Variants in CATSPERE observed in about 807,000 individuals in gnomAD.
CATSPERE encodes the protein cation channel sperm-associated auxiliary subunit epsilon.
Under a neutral mutation model 114.1 loss-of-function variants are expected in CATSPERE, and 93 were observed. The observed-to-expected ratio is 0.81, with a 90% CI of 0.69 to 0.97. CATSPERE has a LOEUF of 0.97. CATSPERE is among the 50% of genes least tolerant of loss of function. CATSPERE has a pLI of 0.00. For missense variants in CATSPERE, 1,058 were observed against 1,131.6 expected (o/e 0.93, Z 0.93); for synonymous variants, 341 against 384.1 (o/e 0.89, Z 1.31).
At chr1:244,565,671 T>C (rs992958949) in intron 10 of CATSPERE, among the ~76,000 whole-genome samples, 9 of 152,178 alleles carry the variant, frequency 5.9e-5, no homozygotes, top group Non-Finnish European at 1.2e-4. Context: ...TCTATTTTGT[T>C]GATCTTTTCA....
At chr1:244,496,346 GA>G (rs1673079561) in intron 6 of CATSPERE, among the ~76,000 whole-genome samples, 1 of 152,222 alleles carries the variant, frequency 6.6e-6, no homozygotes, top group East Asian at 1.9e-4. Context: ...AAAAGCCTGA[GA>G]GTGTTTTCAC....
chr1:244,562,812 G>A (rs1457374524), intron 10 of CATSPERE, among the ~76,000 whole-genome samples: 2 of 152,024 alleles, frequency 1.3e-5, no homozygotes, highest in African/African-American at 4.8e-5. Context: ...GTATACACGT[G>A]CCATGGTGGT....
chr1:244,552,148 TG>T (rs1235817532), intron 8 of CATSPERE, among the ~76,000 whole-genome samples, 173 bp from the exon 9 acceptor site: 3 of 151,970 alleles, frequency 2.0e-5, no homozygotes, highest in African/African-American at 7.3e-5. Context: ...TGTGTTCCTT[TG>T]GGACCAGAGT....
intron 2 of CATSPERE, among the ~76,000 whole-genome samples, chr1:244,469,861 T>C (rs1164654220): frequency 6.6e-6 from 1 of 152,066 alleles, no homozygotes; most frequent in African/African-American, 2.4e-5. Context: ...TGACATAGGA[T>C]AGGAATATAC....
intron 20 of CATSPERE, among the ~76,000 whole-genome samples, chr1:244,634,708 T>TGA (rs1365781633): frequency 1.4e-4 from 22 of 152,354 alleles, no homozygotes; most frequent in African/African-American, 5.3e-4. Flanking sequence ...TGTGTAAACT[T>TGA]TCTCAAGTTG....
chr1:244,466,054 A>C (rs1667555868), intron 2 of CATSPERE, among the ~76,000 whole-genome samples: 1 of 152,224 alleles, frequency 6.6e-6, no homozygotes, highest in Non-Finnish European at 1.5e-5. Flanking sequence ...CTTATAGTGA[A>C]TTGTGAAATG....
At chr1:244,487,775 G>A (rs911605490) in intron 5 of CATSPERE, among the ~76,000 whole-genome samples, 1 of 152,116 alleles carries the variant, frequency 6.6e-6, no homozygotes, top group Admixed American at 6.5e-5. Flanking sequence ...TCCATCCCAG[G>A]GAGGCAGAGA....
chr1:244,469,061 A>C (rs1039073060), intron 2 of CATSPERE, among the ~76,000 whole-genome samples: 4 of 152,190 alleles, frequency 2.6e-5, no homozygotes, highest in South Asian at 2.1e-4. Flanking sequence ...AGATAATACC[A>C]AGTCACTTAA....
intron 20 of CATSPERE, among the ~76,000 whole-genome samples, chr1:244,630,771 G>A (rs756065808): frequency 3.9e-5 from 6 of 152,096 alleles, no homozygotes; most frequent in Non-Finnish European, 5.9e-5. Flanking sequence ...CTATCTCAGG[G>A]AGAATGAGTG....
At chr1:244,537,655 T>C (rs927241722) in intron 8 of CATSPERE, among the ~76,000 whole-genome samples, 4 of 152,254 alleles carry the variant, frequency 2.6e-5, no homozygotes, top group African/African-American at 4.8e-5. Context: ...GTTTATTTAA[T>C]AGATACAGCT....
intron 5 of CATSPERE, among the ~76,000 whole-genome samples, chr1:244,480,114 C>A (rs1316229291): frequency 6.6e-6 from 1 of 152,110 alleles, no homozygotes; most frequent in East Asian, 1.9e-4. Flanking sequence ...AAGTACAAAG[C>A]TACTAAAAGA....
chr1:244,612,959 T>G (rs193107711), intron 19 of CATSPERE, among the ~76,000 whole-genome samples: 2 of 152,324 alleles, frequency 1.3e-5, no homozygotes, highest in East Asian at 3.9e-4. Context: ...GGCAGTGATA[T>G]CTTTCTGGCA....
chr1:244,602,826 A>G (rs1007943302), intron 17 of CATSPERE, among the ~76,000 whole-genome samples: 2 of 152,118 alleles, frequency 1.3e-5, no homozygotes, highest in Admixed American at 6.5e-5. Context: ...GGTAAGATAT[A>G]CAGACGCGGA....
chr1:244,556,366 T>G (rs1475325959), intron 9 of CATSPERE, among the ~76,000 whole-genome samples: 1 of 152,030 alleles, frequency 6.6e-6, no homozygotes. Context: ...AACAAAACCC[T>G]GAGGATACAA....
At position 244,625,929 on chromosome 1, in the gene CATSPERE, G is replaced by T. The variant is rs537687478; in HGVS notation, c.2648+8243G>T. On this transcript the variant is annotated intron_variant, in intron 20 of 21. Coordinates refer to ENST00000366534, the MANE Select transcript of CATSPERE (RefSeq NM_001130957.2). ...GAAAGGAATCTTTTTTTTTTTCTGA[G>T]AAGTAGGTCTCAACAGTGGGCTTAA... is the stretch of plus-strand genomic sequence containing the variant. Among the ~76,000 whole-genome samples, 17 of 151,064 alleles carry T rather than the reference G, an allele frequency of 1.1e-4. No homozygotes were observed. In the East Asian group the frequency reaches 3.3e-3, roughly 30 times the overall value.
chr1:244,635,219 C>G (rs1450796713), intron 20 of CATSPERE, among the ~76,000 whole-genome samples: 7 of 152,130 alleles, frequency 4.6e-5, no homozygotes, highest in African/African-American at 1.7e-4. Flanking sequence ...ATTATTAATA[C>G]CATTATTCCT....
chr1:244,625,426 A>ATTTTTTTTTTTTTTTTTT (rs1326525192), intron 20 of CATSPERE, among the ~76,000 whole-genome samples: 1 of 3,942 alleles, frequency 2.5e-4, no homozygotes, highest in Non-Finnish European at 6.6e-4. Context: ...ATATATATAT[A>ATTTTTTTTTTTTTTTTTT]TATATATTTT....
intron 8 of CATSPERE, among the ~76,000 whole-genome samples, chr1:244,551,953 A>G (rs558112442): frequency 2.0e-5 from 3 of 149,298 alleles, no homozygotes. Context: ...AATCCCAGCT[A>G]CTCAGGAGGT....
intron 7 of CATSPERE, among the ~76,000 whole-genome samples, chr1:244,517,454 G>A (rs1335026884): frequency 6.6e-6 from 1 of 151,666 alleles, no homozygotes; most frequent in East Asian, 1.9e-4. Context: ...TTATTTATTA[G>A]GCAAACCTGT....
Sources: gnomAD v4.1 joint callset for allele counts (sites outside exome capture counted in the v4.1 genomes callset) on GRCh38, gnomAD v4.1.1 for gene constraint, MANE v1.5 for transcripts, NCBI Gene and HGNC (gene_info 2026-07-23, HGNC 2026-07-21) for gene names.